Variants in CNTNAP2 observed in about 807,000 individuals in gnomAD.
CNTNAP2 encodes contactin-associated protein-like 2.
A neutral mutation model predicts 155.2 loss-of-function variants in CNTNAP2; 98 were observed. The observed-to-expected ratio is 0.63, with a 90% CI of 0.54 to 0.75. The LOEUF (loss-of-function observed/expected upper bound fraction) is 0.75. Among genes scored for constraint, CNTNAP2 ranks in the 30% least tolerant of loss-of-function variants. CNTNAP2 has a pLI of 0.00. For missense variants in CNTNAP2, 1,727 were observed against 1,688.1 expected, an observed-to-expected ratio of 1.02 and a Z score of -0.40; for synonymous variants, 651 against 631.2, an observed-to-expected ratio of 1.03 and a Z score of -0.47.
intron 11 of CNTNAP2, among the ~76,000 whole-genome samples, chr7:147,502,123 CAGTT>C (rs958848499): frequency 1.8e-4 from 28 of 152,226 alleles, no homozygotes; most frequent in African/African-American, 6.3e-4. Context: ...AAGAGTTTAA[CAGTT>C]AGTCCCACTA....
chr7:148,402,480 A>G (rs1434093373), intron 22 of CNTNAP2, among the ~76,000 whole-genome samples: 1 of 152,230 alleles, frequency 6.6e-6, no homozygotes, highest in African/African-American at 2.4e-5. Flanking sequence ...CTCTCTTAAA[A>G]TAAAACAATG....
chr7:146,455,659 G>A (rs558804716), intron 1 of CNTNAP2, among the ~76,000 whole-genome samples: 2 of 152,196 alleles, frequency 1.3e-5, no homozygotes, highest in African/African-American at 4.8e-5. Flanking sequence ...CCACTGTGTG[G>A]AATATAAAAT....
intron 12 of CNTNAP2, among the ~76,000 whole-genome samples, chr7:147,627,069 C>T (rs554364796): frequency 6.6e-6 from 1 of 152,098 alleles, no homozygotes; most frequent in Admixed American, 6.5e-5. Flanking sequence ...AGAGCAATAA[C>T]AATCTCTGCG....
At chr7:147,655,649 T>C (rs1795516016) in intron 13 of CNTNAP2, among the ~76,000 whole-genome samples, 1 of 152,242 alleles carries the variant, frequency 6.6e-6, no homozygotes, top group Non-Finnish European at 1.5e-5. Flanking sequence ...AGTAAACCTG[T>C]TAAAGTTGTA....
intron 8 of CNTNAP2, among the ~76,000 whole-genome samples, chr7:147,192,538 C>A (rs1306088999): frequency 6.6e-6 from 1 of 152,048 alleles, no homozygotes; most frequent in Non-Finnish European, 1.5e-5. Context: ...GTCCAGTATT[C>A]TGTGTTTTCC....
chr7:147,377,381 TA>T (rs1796453575), intron 9 of CNTNAP2, among the ~76,000 whole-genome samples: 1 of 151,948 alleles, frequency 6.6e-6, no homozygotes, highest in Admixed American at 6.6e-5. Flanking sequence ...TCCTGAGTTT[TA>T]GTTCTCTTTT....
intron 14 of CNTNAP2, among the ~76,000 whole-genome samples, chr7:147,945,010 C>T (rs1018959448): frequency 2.0e-5 from 3 of 152,094 alleles, no homozygotes; most frequent in Non-Finnish European, 2.9e-5. Context: ...TCTTGAAATA[C>T]ACAGAAAAAA....
At chr7:147,220,439 A>G (rs1405282737) in intron 8 of CNTNAP2, among the ~76,000 whole-genome samples, 2 of 152,160 alleles carry the variant, frequency 1.3e-5, no homozygotes, top group East Asian at 1.9e-4. Flanking sequence ...GACAATCTCT[A>G]TCTTTTAATT....
At chr7:147,521,343 G>A (rs1799226474) in intron 11 of CNTNAP2, among the ~76,000 whole-genome samples, 1 of 152,084 alleles carries the variant, frequency 6.6e-6, no homozygotes, top group Admixed American at 6.6e-5. Context: ...ACAAGGTTTG[G>A]ATCAATTTAG....
At chr7:147,952,022 T>C (rs955319376) in intron 14 of CNTNAP2, among the ~76,000 whole-genome samples, 11 of 152,006 alleles carry the variant, frequency 7.2e-5, no homozygotes, top group African/African-American at 2.7e-4. Context: ...AAACTGAGCT[T>C]AATACAGTTA....
intron 1 of CNTNAP2, among the ~76,000 whole-genome samples, chr7:146,488,982 AC>A (rs1437885982): frequency 1.3e-5 from 2 of 152,186 alleles, no homozygotes; most frequent in Non-Finnish European, 2.9e-5. Context: ...CTTATTAGGG[AC>A]ATGGAAACAG....
chr7:146,350,568 T>C (rs1794897880), intron 1 of CNTNAP2, among the ~76,000 whole-genome samples: 1 of 151,884 alleles, frequency 6.6e-6, no homozygotes, highest in South Asian at 2.1e-4. Context: ...GGAACACTTT[T>C]ACACTGTTGG....
chr7:146,519,892 T>A (rs935889850), intron 1 of CNTNAP2, among the ~76,000 whole-genome samples: 6 of 151,876 alleles, frequency 4.0e-5, no homozygotes, highest in Non-Finnish European at 7.4e-5. Flanking sequence ...TTTGTATCAT[T>A]ACCTCTGTAG....
At chr7:147,596,099 C>T (rs1359293858) in intron 12 of CNTNAP2, among the ~76,000 whole-genome samples, 1 of 152,144 alleles carries the variant, frequency 6.6e-6, no homozygotes, top group East Asian at 1.9e-4. Flanking sequence ...CAGCATTTAA[C>T]TGTCTCTCAG....
chr7:148,369,180 CCTTTT>C (rs1798840177), intron 21 of CNTNAP2, among the ~76,000 whole-genome samples: 1 of 105,146 alleles, frequency 9.5e-6, no homozygotes, highest in African/African-American at 3.7e-5. Context: ...AAATTGAATC[CCTTTT>C]TTTTTTTTTT....
chr7:146,151,285 T>A (rs180777944), intron 1 of CNTNAP2, among the ~76,000 whole-genome samples: 4 of 152,114 alleles, frequency 2.6e-5, no homozygotes, highest in Admixed American at 2.6e-4. Flanking sequence ...TTATTAACTC[T>A]GGTCATCATA....
Position 146,836,653 on chromosome 7 carries a change from T to A in CNTNAP2, c.209-3058T>A, listed in dbSNP as rs557472225. Among the ~76,000 whole-genome samples, 388 of 152,268 alleles carry A rather than the reference T, an allele frequency of 2.5e-3. 1 individual carries two copies. The highest frequency in any genetic ancestry group is 8.8e-3 in the African/African-American group (365 of 41,570). On this transcript the variant is annotated intron_variant, in intron 2 of 23. Transcript: ENST00000361727. ...CTGTTTGTAAGCACTAAATTATCTTTTAATGAAATTTAAAAACATGAACAA... is the reference window on the plus strand; with the variant it reads ...CTGTTTGTAAGCACTAAATTATCTTATAATGAAATTTAAAAACATGAACAA...
chr7:147,148,118 CG>C (rs367768804), intron 8 of CNTNAP2, among the ~76,000 whole-genome samples: 285 of 151,914 alleles, frequency 1.9e-3, no homozygotes, highest in African/African-American at 6.6e-3. Flanking sequence ...GGGCCGGGCG[CG>C]GTGGCTCACG....
At chr7:146,788,082 A>G (rs1379499569) in intron 2 of CNTNAP2, among the ~76,000 whole-genome samples, 1 of 152,242 alleles carries the variant, frequency 6.6e-6, no homozygotes. Context: ...GGCACTGGCC[A>G]CGGGACTTTG....
Sources: allele counts gnomAD v4.1 joint callset (sites outside exome capture counted in the v4.1 genomes callset), GRCh38; gene constraint gnomAD v4.1.1; transcripts MANE v1.5; gene names NCBI Gene and HGNC (gene_info 2026-07-23, HGNC 2026-07-21).